KCNJ6: variants seen among roughly 807,000 people sequenced by gnomAD.
The protein encoded by KCNJ6 is potassium inwardly rectifying channel subfamily J member 6, also known as G protein-activated inward rectifier potassium channel 2.
A neutral mutation model predicts 34.2 loss-of-function variants in KCNJ6; 9 were observed. The ratio of observed to expected loss-of-function variants is 0.26; its 90% confidence interval spans 0.16 to 0.46. The LOEUF is 0.46. Ranked by LOEUF, KCNJ6 falls within the 20% of genes least tolerant of loss-of-function variation. The pLI, the probability that KCNJ6 is intolerant of heterozygous loss-of-function variation, is 1.00. For missense variants in KCNJ6, 236 were observed against 531.3 expected (o/e 0.44, Z 5.46); for synonymous variants, 196 against 207.1 (o/e 0.95, Z 0.46).
chr21:37,829,532 A>G (rs2055414984), intron 2 of KCNJ6, among the ~76,000 whole-genome samples: 1 of 152,226 alleles, frequency 6.6e-6, no homozygotes, highest in South Asian at 2.1e-4. Flanking sequence ...TGTGGGGGCC[A>G]GGGGGCAGTG....
intron 3 of KCNJ6, among the ~76,000 whole-genome samples, chr21:37,635,361 G>C (rs1442647125): frequency 6.6e-6 from 1 of 151,474 alleles, no homozygotes; most frequent in Non-Finnish European, 1.5e-5. Context: ...TGGAGTATAG[G>C]CGCTTGCCAG....
intron 3 of KCNJ6, among the ~76,000 whole-genome samples, chr21:37,663,953 A>G (rs1053371830): frequency 1.1e-4 from 17 of 152,244 alleles, no homozygotes; most frequent in African/African-American, 4.1e-4. Context: ...CTGGATATTT[A>G]CCATGTACAA....
chr21:37,854,437 G>A (rs28828683), intron 1 of KCNJ6, among the ~76,000 whole-genome samples: 9,292 of 152,246 alleles, frequency 0.061, 330 homozygotes, highest in Non-Finnish European at 0.074. Flanking sequence ...ATACTTGAGA[G>A]CTAAAAAATT....
intron 2 of KCNJ6, among the ~76,000 whole-genome samples, chr21:37,803,431 GT>G: frequency 6.6e-6 from 1 of 152,304 alleles, no homozygotes; most frequent in African/African-American, 2.4e-5. Context: ...TGGGGCTGGA[GT>G]TGGGGCAGGA....
At chr21:37,719,006 T>C (rs1003110280) in intron 2 of KCNJ6, among the ~76,000 whole-genome samples, 1 of 151,920 alleles carries the variant, frequency 6.6e-6, no homozygotes, top group African/African-American at 2.4e-5. Context: ...CCTTGCATCA[T>C]GGCAGCTGGT....
intron 3 of KCNJ6, among the ~76,000 whole-genome samples, chr21:37,667,498 T>C (rs965895346): frequency 6.6e-6 from 1 of 150,804 alleles, no homozygotes; most frequent in Non-Finnish European, 1.5e-5. Context: ...GGAGCTGGGG[T>C]AGAGGACGCT....
intron 2 of KCNJ6, among the ~76,000 whole-genome samples, chr21:37,718,999 T>TGCATCATGGCAGCTG: frequency 6.6e-6 from 1 of 152,114 alleles, no homozygotes; most frequent in East Asian, 1.9e-4. Flanking sequence ...GGCTGGGCCT[T>TGCATCATGGCAGCTG]GCATCATGGC....
intron 2 of KCNJ6, among the ~76,000 whole-genome samples, chr21:37,785,287 G>C (rs1277642627): frequency 1.3e-5 from 2 of 152,188 alleles, no homozygotes; most frequent in Admixed American, 6.5e-5. Flanking sequence ...ACTTCCACAA[G>C]TGAGTTCTGA....
intron 2 of KCNJ6, among the ~76,000 whole-genome samples, chr21:37,716,482 T>G (rs6517430): frequency 0.21 from 31,193 of 151,394 alleles, 5,590 homozygotes; most frequent in African/African-American, 0.48. Flanking sequence ...TGGGTTCAAG[T>G]GATCCTCCCA....
At chr21:37,696,178 C>T (rs535853936) in intron 3 of KCNJ6, among the ~76,000 whole-genome samples, 18 of 152,178 alleles carry the variant, frequency 1.2e-4, no homozygotes, top group Non-Finnish European at 2.5e-4. Context: ...TTAGAATTAT[C>T]GATGAATGCT....
intron 2 of KCNJ6, among the ~76,000 whole-genome samples, chr21:37,723,590 T>C (rs908656464): frequency 6.6e-6 from 1 of 152,190 alleles, no homozygotes. Context: ...TACACAGCCA[T>C]GAAAAGAATG....
chr21:37,723,421 A>G (rs931933439), intron 2 of KCNJ6, among the ~76,000 whole-genome samples: 5 of 152,230 alleles, frequency 3.3e-5, no homozygotes, highest in African/African-American at 9.6e-5. Flanking sequence ...ACTACTGAAT[A>G]TATTCCTAAA....
Position 37,625,259 on chromosome 21 carries a change from T to C in KCNJ6, c.1172A>G (p.Gln391Arg). The C allele has an allele frequency of 6.2e-7, 1 of 1,614,190 alleles. No individual in the cohort carries two copies. Among genetic ancestry groups the C allele is most frequent in the Non-Finnish European group, 8.5e-7 (1 of 1,180,022 alleles). ...LSWSVSSKLN[Q>R]HAELETEEEE... ...CTCTTCAGTCTCCAGTTCTGCATGT[T>C]GGTTGAGTTTGCTGGATACAGACCA... is the stretch of plus-strand genomic sequence containing the variant. Residue 391 changes from glutamine to arginine, a missense_variant, in exon 4 of 4, where the codon CAA becomes CGA. Gln to Arg is a conservative substitution (Grantham distance 43). Coordinates refer to ENST00000609713, the MANE Select transcript of KCNJ6 (RefSeq NM_002240.5).
At chr21:37,740,416 T>A (rs2054935329) in intron 2 of KCNJ6, among the ~76,000 whole-genome samples, 1 of 152,236 alleles carries the variant, frequency 6.6e-6, no homozygotes, top group African/African-American at 2.4e-5. Context: ...AGACATTACC[T>A]TTCTATTGAT....
At chr21:37,773,763 G>T (rs1012142701) in intron 2 of KCNJ6, among the ~76,000 whole-genome samples, 4 of 152,046 alleles carry the variant, frequency 2.6e-5, no homozygotes. Context: ...TTCTCTTATA[G>T]TCCTAGGATT....
intron 3 of KCNJ6, among the ~76,000 whole-genome samples, chr21:37,650,170 C>T (rs951632696): frequency 6.6e-6 from 1 of 152,198 alleles, no homozygotes; most frequent in Non-Finnish European, 1.5e-5. Context: ...ATCCTGGCCA[C>T]ACATTAAGCC....
At chr21:37,830,070 G>A (rs1231818078) in intron 2 of KCNJ6, among the ~76,000 whole-genome samples, 1 of 152,160 alleles carries the variant, frequency 6.6e-6, no homozygotes, top group Non-Finnish European at 1.5e-5. Context: ...AGTCCCCAAG[G>A]CAGTGGTATT....
Position 37,840,519 on chromosome 21 carries a change from G to C in KCNJ6, c.25+139C>G, listed in dbSNP as rs2055474815. ...CATAAAGTAACATCAACATGATGCA[G>C]TGTGTGTGAAACAGATCTCGGTCCC... is the stretch of plus-strand genomic sequence containing the variant. On this transcript the variant is annotated intron_variant, in intron 2 of 3. Transcript: ENST00000609713. The C allele has an allele frequency of 1.1e-5, 7 of 610,852 alleles. No individual in the cohort carries two copies. The South Asian group carries it at 1.3e-4, about 12-fold the overall frequency. 37.8% of individuals were successfully genotyped at this position (610,852 alleles called of 1,614,324 possible). A position where few individuals can be genotyped will look rare whatever the true frequency, so the allele number is the denominator to read the frequency against.
intron 3 of KCNJ6, among the ~76,000 whole-genome samples, chr21:37,661,626 T>C (rs1461272988): frequency 1.6e-5 from 2 of 128,352 alleles, no homozygotes; most frequent in Admixed American, 8.0e-5. Context: ...TTTTTTTTTT[T>C]TTTTTTTTTT....
Sources: gnomAD v4.1 joint callset for allele counts (sites outside exome capture counted in the v4.1 genomes callset) on GRCh38, gnomAD v4.1.1 for gene constraint, MANE v1.5 for transcripts, NCBI Gene and HGNC (gene_info 2026-07-23, HGNC 2026-07-21) for gene names.